Variants in SLC8A1 observed in about 807,000 individuals in gnomAD.
SLC8A1 encodes solute carrier family 8 member A1.
SLC8A1 carries 18 observed loss-of-function variants against 68.3 expected under a neutral mutation model. That is an observed-to-expected ratio of 0.26 (90% CI 0.18 to 0.39). The LOEUF (loss-of-function observed/expected upper bound fraction) is 0.39. SLC8A1 is among the 10% of genes least tolerant of loss of function. The pLI, the probability that SLC8A1 is intolerant of heterozygous loss-of-function variation, is 1.00. For missense variants in SLC8A1, 985 were observed against 1,156.7 expected (o/e 0.85, Z 2.15); for synonymous variants, 475 against 415.5 (o/e 1.14, Z -1.74).
intron 2 of SLC8A1, among the ~76,000 whole-genome samples, chr2:40,301,566 A>T (rs1303880649): frequency 2.6e-5 from 4 of 151,936 alleles, no homozygotes; most frequent in Non-Finnish European, 2.9e-5. Context: ...CATAAAAATG[A>T]TACAATGGAT....
chr2:40,484,456 C>T (rs559099322), intron 1 of SLC8A1, among the ~76,000 whole-genome samples: 3 of 152,196 alleles, frequency 2.0e-5, no homozygotes, highest in African/African-American at 2.4e-5. Context: ...TGAGCTTTCT[C>T]GTATCTTTAC....
At chr2:40,456,463 T>C (rs556548697), upstream of SLC8A1, among the ~76,000 whole-genome samples, 2 of 152,186 alleles carry the variant, frequency 1.3e-5, no homozygotes, top group Non-Finnish European at 2.9e-5. Flanking sequence ...AGAATCATTA[T>C]CTAGAGCTAT....
At chr2:40,344,500 G>C (rs1223710087) in intron 2 of SLC8A1, among the ~76,000 whole-genome samples, 1 of 152,148 alleles carries the variant, frequency 6.6e-6, no homozygotes, top group East Asian at 1.9e-4. Flanking sequence ...TAGTGGCTTT[G>C]GTTCTGGGAA....
At chr2:40,168,498 A>T (rs1010012079) in intron 4 of SLC8A1, among the ~76,000 whole-genome samples, 1 of 152,190 alleles carries the variant, frequency 6.6e-6, no homozygotes, top group Non-Finnish European at 1.5e-5. Context: ...TATAGATTCT[A>T]TTATTGCTCT....
At chr2:40,437,048 C>CAA (rs1441655638) in intron 1 of SLC8A1, among the ~76,000 whole-genome samples, 1 of 152,086 alleles carries the variant, frequency 6.6e-6, no homozygotes, top group African/African-American at 2.4e-5. Context: ...GACGATACTA[C>CAA]AAGGAGATAT....
chr2:40,439,863 G>A (rs1299946793), intron 1 of SLC8A1, among the ~76,000 whole-genome samples: 1 of 152,058 alleles, frequency 6.6e-6, no homozygotes. Context: ...TCACATAAGG[G>A]TGACTCTCCA....
chr2:40,508,454 C>A (rs551988423), intron 1 of SLC8A1, among the ~76,000 whole-genome samples: 7 of 151,918 alleles, frequency 4.6e-5, no homozygotes, highest in Admixed American at 1.3e-4. Context: ...CATGCTCTTT[C>A]AATATGTCTG....
chr2:40,373,243 G>C (rs1393444969), intron 2 of SLC8A1, among the ~76,000 whole-genome samples: 4 of 152,066 alleles, frequency 2.6e-5, no homozygotes, highest in Admixed American at 2.6e-4. Flanking sequence ...CTCTGGGTAT[G>C]TGATTCTATC....
intron 2 of SLC8A1, among the ~76,000 whole-genome samples, chr2:40,277,798 A>G (rs1450354966): frequency 2.1e-3 from 80 of 38,272 alleles, no homozygotes; most frequent in South Asian, 0.012. Flanking sequence ...ATGTGTGTAT[A>G]TATATATATA....
At chr2:40,382,617 G>A (rs373389486) in intron 2 of SLC8A1, among the ~76,000 whole-genome samples, 1 of 151,852 alleles carries the variant, frequency 6.6e-6, no homozygotes, top group East Asian at 1.9e-4. Flanking sequence ...TAAAAGACTG[G>A]GCAAAATATG....
chr2:40,237,244 A>G (rs1460581269), intron 2 of SLC8A1, among the ~76,000 whole-genome samples: 2 of 152,146 alleles, frequency 1.3e-5, no homozygotes, highest in Non-Finnish European at 2.9e-5. Flanking sequence ...AGGTACACCA[A>G]TCAGACGTAG....
intron 2 of SLC8A1, among the ~76,000 whole-genome samples, chr2:40,324,891 G>A (rs1419268011): frequency 6.6e-6 from 1 of 152,160 alleles, no homozygotes; most frequent in East Asian, 1.9e-4. Flanking sequence ...GCTGTTTCCA[G>A]ATGACCTCCT....
chr2:40,295,008 C>T (rs960825436), intron 2 of SLC8A1, among the ~76,000 whole-genome samples: 6 of 152,042 alleles, frequency 3.9e-5, no homozygotes, highest in African/African-American at 1.4e-4. Context: ...TATCTTTAGA[C>T]ACACAGCATA....
At chr2:40,331,019 A>G (rs138531914) in intron 2 of SLC8A1, among the ~76,000 whole-genome samples, 460 of 152,338 alleles carry the variant, frequency 3.0e-3, no homozygotes, top group African/African-American at 0.01. Flanking sequence ...ATCTTATGAT[A>G]GGTTTTGAGG....
chr2:40,478,284 G>T (rs1017734867), intron 1 of SLC8A1, among the ~76,000 whole-genome samples: 1 of 152,052 alleles, frequency 6.6e-6, no homozygotes, highest in African/African-American at 2.4e-5. Flanking sequence ...CAAGTTACTT[G>T]TTTAAGGCAG....
intron 2 of SLC8A1, among the ~76,000 whole-genome samples, chr2:40,370,288 C>T (rs1559417651): frequency 6.6e-6 from 1 of 152,122 alleles, no homozygotes; most frequent in Non-Finnish European, 1.5e-5. Context: ...TTTCTAGAAA[C>T]TAAACAGGGT....
intron 2 of SLC8A1, among the ~76,000 whole-genome samples, chr2:40,290,626 C>T (rs1175971737): frequency 6.6e-6 from 1 of 152,082 alleles, no homozygotes; most frequent in Non-Finnish European, 1.5e-5. Flanking sequence ...ATTTTAAAAA[C>T]AGTGGTATCT....
intron 1 of SLC8A1, among the ~76,000 whole-genome samples, chr2:40,431,230 C>A (rs1698220761): frequency 6.6e-6 from 1 of 151,868 alleles, no homozygotes; most frequent in Admixed American, 6.6e-5. Flanking sequence ...ATCAGCGTCA[C>A]CAACCTTAAA....
chr2:40,260,590 C>T (rs2064560457), intron 2 of SLC8A1, among the ~76,000 whole-genome samples: 2 of 152,086 alleles, frequency 1.3e-5, no homozygotes, highest in Non-Finnish European at 2.9e-5. Flanking sequence ...GTTATACCCA[C>T]AGTCACTGGA....
Sources: gnomAD v4.1 joint callset for allele counts (sites outside exome capture counted in the v4.1 genomes callset) on GRCh38, gnomAD v4.1.1 for gene constraint, MANE v1.5 for transcripts, NCBI Gene and HGNC (gene_info 2026-07-23, HGNC 2026-07-21) for gene names.